WDPCP: variants seen among roughly 807,000 people sequenced by gnomAD.
WDPCP encodes the protein WD repeat-containing and planar cell polarity effector protein fritz homolog.
WDPCP carries 71 observed loss-of-function variants against 93.1 expected under a neutral mutation model. The observed-to-expected ratio is 0.76, with a 90% confidence interval of 0.63 to 0.93. WDPCP has a LOEUF of 0.93. WDPCP is among the 40% of genes least tolerant of loss of function. The probability of loss-of-function intolerance (pLI) is 0.00; values close to 1 mark genes in which losing one functional copy is unlikely to be tolerated. For synonymous variants in WDPCP, 315 were observed against 315.0 expected (o/e 1.00, Z 0.00); for missense variants, 844 against 887.4 (o/e 0.95, Z 0.62).
chr2:63,520,700 T>C (rs1702861493), intron 1 of WDPCP, among the ~76,000 whole-genome samples: 1 of 152,052 alleles, frequency 6.6e-6, no homozygotes, highest in Non-Finnish European at 1.5e-5. Flanking sequence ...GAGACCAGCC[T>C]GGGCAACATG....
At chr2:63,812,386 TC>T (rs1333040542) in intron 2 of WDPCP, among the ~76,000 whole-genome samples, 2 of 152,220 alleles carry the variant, frequency 1.3e-5, no homozygotes, top group Non-Finnish European at 2.9e-5. Flanking sequence ...TAAGGCTGTG[TC>T]TTTTTGGTAG....
rs1694385301 is a variant in WDPCP at position 63,404,301 on chromosome 2, A to G, written c.1182T>C (p.Val394=). 1 of 1,614,160 alleles carries G rather than the reference A, an allele frequency of 6.2e-7. No homozygotes were observed. Among genetic ancestry groups the G allele is most frequent in the Non-Finnish European group, 8.5e-7 (1 of 1,180,008 alleles). ...SCHPSGAILL[V]GSNQGELQIF... ...TTTGCAACTCCCCTTGGTTGCTGCCAACTAGCAGAATGGCACCACTTGGGT... is the reference window on the plus strand; with the variant it reads ...TTTGCAACTCCCCTTGGTTGCTGCCGACTAGCAGAATGGCACCACTTGGGT... Residue 394 remains valine (V), a synonymous_variant, in exon 10 of 18, where the codon GTT becomes GTC. Transcript: ENST00000272321.
At chr2:63,784,010 T>C (rs1369355185) in intron 2 of WDPCP, among the ~76,000 whole-genome samples, 1 of 152,222 alleles carries the variant, frequency 6.6e-6, no homozygotes, top group African/African-American at 2.4e-5. Context: ...GCAGTGTTGC[T>C]TTTGTTTGTG....
chr2:63,722,491 G>A lies in WDPCP; in HGVS notation n.309-71653C>T, dbSNP rs770751564. ...TGAGAAGTGAGGAGCCCCTCCGCCC[G>A]GCAGCCGCCCCGTCTGGGAAGTGAG... On this transcript the variant is annotated intron_variant and non_coding_transcript_variant, in intron 2 of 4. Transcript: ENST00000467687. Among the ~76,000 whole-genome samples, 17 of 146,022 alleles carry A rather than the reference G, an allele frequency of 1.2e-4. No homozygotes were observed. The East Asian group carries it at 2.9e-3, about 25-fold the overall frequency.
At chr2:63,507,324 T>A (rs1701946778) in intron 1 of WDPCP, among the ~76,000 whole-genome samples, 1 of 150,710 alleles carries the variant, frequency 6.6e-6, no homozygotes, top group South Asian at 2.1e-4. Flanking sequence ...ACACTGGGAG[T>A]TGTTAGAAGA....
chr2:63,185,561 G>A (rs901309841), intron 14 of WDPCP, among the ~76,000 whole-genome samples: 6 of 152,072 alleles, frequency 3.9e-5, no homozygotes, highest in Admixed American at 2.6e-4. Context: ...TTGTAGTAGC[G>A]GTATACCAGG....
chr2:63,597,536 G>C, intron 3 of WDPCP: 1 of 1,480,672 alleles, frequency 6.8e-7, no homozygotes, highest in Non-Finnish European at 9.0e-7. Flanking sequence ...CAAATCCCAG[G>C]GTGCAGCCTT....
intron 6 of WDPCP, among the ~76,000 whole-genome samples, chr2:63,463,887 A>G (rs529810792): frequency 6.6e-6 from 1 of 152,188 alleles, no homozygotes; most frequent in Non-Finnish European, 1.5e-5. Context: ...CTGGAAAAGC[A>G]AAGTATCACG....
rs544792274 is a variant in WDPCP, at chr2:63,575,967, T to C, written c.75+12230A>G. Among the ~76,000 whole-genome samples, 9 of 152,272 alleles carry C rather than the reference T, an allele frequency of 5.9e-5. No individual in the cohort carries two copies. The South Asian group carries it at 6.2e-4, about 11-fold the overall frequency. On this transcript the variant is annotated intron_variant, in intron 1 of 17. Transcript: ENST00000272321. ...TTCATAATTTGGCATTAAGAGTTTA[T>C]TTCCTTTTTACAGGCACACAGTTAA...
intron 14 of WDPCP, among the ~76,000 whole-genome samples, chr2:63,204,450 T>C (rs1676173253): frequency 6.7e-6 from 1 of 149,788 alleles, no homozygotes; most frequent in Non-Finnish European, 1.5e-5. Context: ...CAAGCGATTC[T>C]CTTGCCTCAG....
chr2:63,600,108 C>A (rs1208279295), intron 3 of WDPCP: 5 of 151,294 alleles, frequency 3.3e-5, no homozygotes, highest in Admixed American at 1.3e-4. Flanking sequence ...ACTTTAGTTT[C>A]AAAAAAAAAT....
chr2:63,688,320 A>G (rs942357490), intron 2 of WDPCP, among the ~76,000 whole-genome samples: 1 of 151,930 alleles, frequency 6.6e-6, no homozygotes, highest in African/African-American at 2.4e-5. Flanking sequence ...CCAGCTACTC[A>G]GGAGGCTGAG....
At chr2:63,831,664 G>A (rs538087344), upstream of WDPCP, among the ~76,000 whole-genome samples, 4 of 151,792 alleles carry the variant, frequency 2.6e-5, no homozygotes, top group East Asian at 7.7e-4. Context: ...TTAAAACACT[G>A]CATGGAATAT....
intron 1 of WDPCP, among the ~76,000 whole-genome samples, chr2:63,557,051 C>T (rs1275465497): frequency 6.6e-6 from 1 of 152,192 alleles, no homozygotes; most frequent in Admixed American, 6.5e-5. Flanking sequence ...ACGTTATCAA[C>T]CACTACAAAA....
intron 3 of WDPCP, among the ~76,000 whole-genome samples, chr2:63,612,931 C>CTT (rs553611122): frequency 1.6e-3 from 221 of 142,268 alleles, no homozygotes; most frequent in Middle Eastern, 0.014. Context: ...TTCTTTCTTT[C>CTT]TTTTTTTTTT....
chr2:63,719,883 A>G (rs1484791550), intron 2 of WDPCP, among the ~76,000 whole-genome samples: 1 of 152,166 alleles, frequency 6.6e-6, no homozygotes, highest in Non-Finnish European at 1.5e-5. Flanking sequence ...GAGCGAAAAA[A>G]GCAAGATGTG....
At chr2:63,645,197 T>C (rs1207992347) in intron 3 of WDPCP, among the ~76,000 whole-genome samples, 1 of 152,216 alleles carries the variant, frequency 6.6e-6, no homozygotes, top group Non-Finnish European at 1.5e-5. Flanking sequence ...TTTGGTATGT[T>C]GTGTTGCCAT....
intron 14 of WDPCP, chr2:63,228,394 T>C (rs1678491183): frequency 6.7e-6 from 1 of 150,012 alleles, no homozygotes; most frequent in African/African-American, 2.4e-5. Flanking sequence ...TTTCTTTTTT[T>C]TTTTTTTTTT....
At chr2:63,291,640 C>G (rs1457502856) in intron 13 of WDPCP, among the ~76,000 whole-genome samples, 1 of 152,024 alleles carries the variant, frequency 6.6e-6, no homozygotes, top group Non-Finnish European at 1.5e-5. Context: ...GAAAACCCAT[C>G]TCTACTAAAA....
Sources: allele counts gnomAD v4.1 joint callset (sites outside exome capture counted in the v4.1 genomes callset), GRCh38; gene constraint gnomAD v4.1.1; transcripts MANE v1.5; gene names NCBI Gene and HGNC (gene_info 2026-07-23, HGNC 2026-07-21).